RASA2: variants seen among roughly 807,000 people sequenced by gnomAD.
RASA2 encodes the protein ras GTPase-activating protein 2.
A neutral mutation model predicts 118.2 loss-of-function variants in RASA2; 155 were observed. The ratio of observed to expected loss-of-function variants is 1.31; its 90% CI spans 1.15 to 1.50. RASA2 has a LOEUF of 1.50. Ranked by LOEUF, RASA2 falls within the 40% of genes most tolerant of loss-of-function variation. The pLI is 0.00. For synonymous variants in RASA2, 353 were observed against 349.1 expected (o/e 1.01, Z -0.12); for missense variants, 1,016 against 1,009.6 (o/e 1.01, Z -0.09).
chr3:141,575,450 G>A (rs2082995022), intron 14 of RASA2, among the ~76,000 whole-genome samples: 1 of 152,240 alleles, frequency 6.6e-6, no homozygotes, highest in South Asian at 2.1e-4. Context: ...TTTTTAAATA[G>A]TTAAATCATG....
chr3:141,562,238 G>A (rs559129452), intron 9 of RASA2, among the ~76,000 whole-genome samples: 58 of 150,470 alleles, frequency 3.9e-4, no homozygotes, highest in Admixed American at 6.6e-4. Flanking sequence ...GAGCCATTGC[G>A]CCCAGCCTTT....
At position 141,487,095 on chromosome 3, in the gene RASA2, G is replaced by C; in HGVS notation, c.12G>C (p.Ala4=). ...GGCCGGGCGGCACCATGGCGGCGGCGGCGCCTGCTGCTGCGGCGGCTTCTT... is the reference window on the plus strand; with the variant it reads ...GGCCGGGCGGCACCATGGCGGCGGCCGCGCCTGCTGCTGCGGCGGCTTCTT... MAA[A]APAAAAASSE... Residue 4 remains alanine, a synonymous_variant, in exon 1 of 24, where the codon GCG becomes GCC. Coordinates refer to ENST00000286364, the MANE Select transcript of RASA2 (RefSeq NM_006506.5). 7.3e-7 allele frequency: 1 copy of C among 1,378,778 alleles called. No individual in the cohort carries two copies. Among genetic ancestry groups the C allele is most frequent in the South Asian group, 1.5e-5 (1 of 66,450 alleles). The allele number at this position is 1,378,778 out of a possible 1,614,324, so 85.4% of individuals were successfully genotyped here.
rs1239887335 is a variant in RASA2 at position 141,564,207 on chromosome 3, T to C, written c.863+4212T>C. 7.2e-5 allele frequency among the ~76,000 whole-genome samples: 11 copies of C among 152,090 alleles called. No individual in the cohort carries two copies. The South Asian group carries it at 2.3e-3, about 32-fold the overall frequency. ...AGACTGTAGGCCTGGTAATTTTCAG[T>C]TATATGAGAGTAAAGAGGGATGTCA... is the stretch of plus-strand genomic sequence containing the variant. On this transcript the variant is annotated intron_variant, in intron 9 of 23. Transcript: ENST00000286364.
chr3:141,584,352 A>AAAAG (rs1228798247), intron 17 of RASA2, among the ~76,000 whole-genome samples: 18 of 149,040 alleles, frequency 1.2e-4, no homozygotes, highest in African/African-American at 4.5e-4. Flanking sequence ...AAAAAAAAAA[A>AAAAG]AAAGAAAGGA....
chr3:141,573,020 T>C, intron 12 of RASA2, 127 bp from the exon 13 acceptor site: 1 of 797,644 alleles, frequency 1.3e-6, no homozygotes, highest in Non-Finnish European at 1.9e-6. Context: ...TATCCCTGCA[T>C]AGGACATTTT....
chr3:141,518,282 C>A lies in RASA2; in HGVS notation c.355+1851C>A, dbSNP rs143159588. 4.5e-3 allele frequency among the ~76,000 whole-genome samples: 685 copies of A among 151,218 alleles called. 5 individuals are homozygous for A. Among genetic ancestry groups the A allele is most frequent in the African/African-American group, 0.016 (656 of 41,232 alleles). ...TGGGCAGATCACGAGGTCAGGAGTT[C>A]AAGACCAGCCTGGCCAATGTGGTGA... On this transcript the variant is annotated intron_variant, in intron 3 of 23. Coordinates refer to ENST00000286364, the MANE Select transcript of RASA2 (RefSeq NM_006506.5).
chr3:141,598,098 G>A (rs926737267), intron 19 of RASA2, among the ~76,000 whole-genome samples: 16 of 152,098 alleles, frequency 1.1e-4, no homozygotes. Context: ...TAGCTTTACT[G>A]GTAAAGTCGG....
chr3:141,549,458 TAGG>T (rs2082537397), intron 5 of RASA2, among the ~76,000 whole-genome samples: 1 of 149,582 alleles, frequency 6.7e-6, no homozygotes. Context: ...AAAATAGTGG[TAGG>T]AGTGTGTATG....
At chr3:141,548,137 A>G (rs748570528) in intron 5 of RASA2, among the ~76,000 whole-genome samples, 16 of 152,100 alleles carry the variant, frequency 1.1e-4, no homozygotes, top group Non-Finnish European at 1.8e-4. Flanking sequence ...ATATTGGCCT[A>G]TAGTTTTCTT....
At chr3:141,604,616 G>A (rs1436307306) in intron 19 of RASA2, among the ~76,000 whole-genome samples, 1 of 151,854 alleles carries the variant, frequency 6.6e-6, no homozygotes, top group Non-Finnish European at 1.5e-5. Context: ...GATTTCTTTG[G>A]CCCAACACTA....
In RASA2 at chr3:141,504,746, A is replaced by C. The variant is rs529821622; in HGVS notation, c.134-7417A>C. Among the ~76,000 whole-genome samples, 15 of 152,228 alleles carry C rather than the reference A, an allele frequency of 9.9e-5. 1 individual carries two copies. The highest frequency in any genetic ancestry group is 6.2e-4 in the South Asian group (3 of 4,822). On this transcript the variant is annotated intron_variant, in intron 1 of 23. Transcript: ENST00000286364. ...TCAAAACCTTACCATCTGACACACA[A>C]AAAAAGCCTAAGACTTTCCCGTGCC... is the stretch of plus-strand genomic sequence containing the variant.
At chr3:141,594,818 C>G (rs1419515099) in intron 19 of RASA2, among the ~76,000 whole-genome samples, 1 of 150,792 alleles carries the variant, frequency 6.6e-6, no homozygotes, top group Non-Finnish European at 1.5e-5. Context: ...CTTAGATCTA[C>G]AAGGAGTAAA....
Position 141,487,221 on chromosome 3 carries a change from GC to G in RASA2, c.133+6del. On this transcript the variant is annotated splice_donor_region_variant and intron_variant, in intron 1 of 23. Coordinates refer to ENST00000286364, the MANE Select transcript of RASA2 (RefSeq NM_006506.5). ...AGAGCCTGCGGGGCAAGATCTGTAA[GC>G]GGGGGCTGGGCTGAGGGGACGCCCT... 1 of 1,410,590 alleles carries G rather than the reference GC, an allele frequency of 7.1e-7. No homozygotes were observed. 87.4% of individuals were successfully genotyped at this position (1,410,590 alleles called of 1,614,324 possible).
intron 1 of RASA2, among the ~76,000 whole-genome samples, chr3:141,511,728 G>GT (rs1161955249): frequency 2.0e-5 from 3 of 151,932 alleles, no homozygotes; most frequent in Non-Finnish European, 2.9e-5. Context: ...CTTTTAAGAA[G>GT]TTTTTTTTCC....
chr3:141,548,114 A>G (rs1026486356), intron 5 of RASA2, among the ~76,000 whole-genome samples: 2 of 152,158 alleles, frequency 1.3e-5, no homozygotes, highest in African/African-American at 4.8e-5. Flanking sequence ...TTTTGCATCA[A>G]GGTTCATCAG....
At chr3:141,526,479 C>T (rs534054735) in intron 3 of RASA2, among the ~76,000 whole-genome samples, 98 of 152,036 alleles carry the variant, frequency 6.4e-4, no homozygotes, top group African/African-American at 2.2e-3. Flanking sequence ...CTCCCTCTTC[C>T]CTGTTTTATT....
At chr3:141,559,437 A>C (rs2082697733) in intron 8 of RASA2, among the ~76,000 whole-genome samples, 1 of 152,042 alleles carries the variant, frequency 6.6e-6, no homozygotes, top group African/African-American at 2.4e-5. Context: ...CGAAGGAAAA[A>C]TCTTATAAAT....
In RASA2 at chr3:141,608,671, C is replaced by T; in HGVS notation, c.2199C>T (p.Asn733=). The T allele has an allele frequency of 6.2e-7, 1 of 1,613,860 alleles. No individual in the cohort carries two copies. The highest frequency in any genetic ancestry group is 8.5e-7 in the Non-Finnish European group (1 of 1,179,808). Residue 733 remains asparagine, a synonymous_variant, in exon 21 of 24, where the codon AAC becomes AAT. Coordinates refer to ENST00000286364, the MANE Select transcript of RASA2 (RefSeq NM_006506.5). ...NWLCCQETGE[N]TLGCKPCTAG... ...TCTGCTGTCAGGAGACTGGTGAAAA[C>T]ACTCTCGGCTGCAAGCCATGTACTG...
At chr3:141,503,239 C>T (rs1485175506) in intron 1 of RASA2, among the ~76,000 whole-genome samples, 1 of 152,196 alleles carries the variant, frequency 6.6e-6, no homozygotes. Context: ...AATGCATGCA[C>T]ATAATCCTCA....
Sources: allele counts gnomAD v4.1 joint callset (sites outside exome capture counted in the v4.1 genomes callset), GRCh38; gene constraint gnomAD v4.1.1; transcripts MANE v1.5; gene names NCBI Gene and HGNC (gene_info 2026-07-23, HGNC 2026-07-21).